KIF1C: variants seen among roughly 807,000 people sequenced by gnomAD.
KIF1C encodes the protein kinesin family member 1C.
KIF1C carries 61 observed loss-of-function variants against 126.5 expected under a neutral mutation model. That is an observed-to-expected ratio of 0.48 (90% confidence interval 0.39 to 0.60). The LOEUF (loss-of-function observed/expected upper bound fraction) is 0.60, where lower values mean the gene tolerates loss of function less well. Among genes scored for constraint, KIF1C ranks in the 20% least tolerant of loss-of-function variants. The probability of loss-of-function intolerance (pLI) is 0.00; values close to 1 mark genes in which losing one functional copy is unlikely to be tolerated. For synonymous variants in KIF1C, 640 were observed against 580.6 expected (o/e 1.10, Z -1.47); for missense variants, 1,315 against 1,489.2 (o/e 0.88, Z 1.93).
rs1974746511 is a variant in KIF1C, at chr17:5,006,897, C to T, written c.1166-18C>T. 1 of 1,610,886 alleles carries T rather than the reference C, an allele frequency of 6.2e-7. No homozygotes were observed. The highest frequency in any genetic ancestry group is 8.5e-7 in the Non-Finnish European group (1 of 1,179,178). ...TTCTTTCCTTAGCCTCATTCTTTTT[C>T]CTCTTTCTCCCTCCCAGGCCTGAAG... is the stretch of plus-strand genomic sequence containing the variant. On this transcript the variant is annotated intron_variant, in intron 13 of 22. Coordinates refer to ENST00000320785, the MANE Select transcript of KIF1C (RefSeq NM_006612.6).
In KIF1C at chr17:5,007,088, G is replaced by A. The variant is rs1349198873; in HGVS notation, c.1335+4G>A. The A allele has an allele frequency of 1.3e-6, 2 of 1,583,714 alleles. No individual in the cohort carries two copies. Among genetic ancestry groups the A allele is most frequent in the African/African-American group, 2.7e-5 (2 of 72,970 alleles). ...GGAAGCCATGGAGAGGCTGCAGGTG[G>A]GAAGCTGGAGCTGGCAAGGGCTGGG... On this transcript the variant is annotated splice_donor_region_variant and intron_variant, in intron 14 of 22. Coordinates refer to ENST00000320785, the MANE Select transcript of KIF1C (RefSeq NM_006612.6).
rs1465780299 is a variant in KIF1C at position 5,028,118 on chromosome 17, T to C, written c.*3967T>C. 1 of 152,168 alleles carries C rather than the reference T, an allele frequency of 6.6e-6. No homozygotes were observed. Among genetic ancestry groups the C allele is most frequent in the Non-Finnish European group, 1.5e-5 (1 of 68,044 alleles). The allele number at this position is 152,168 out of a possible 1,614,324, so 9.4% of individuals were successfully genotyped here. On this transcript the variant is annotated 3_prime_UTR_variant, in exon 23 of 23. Transcript: ENST00000320785. Reference sequence around the variant, plus strand: ...GCTGTCCTGTGAGTGACAGCAGCTATTTCGTGGGCCTCCTCTGGAATCATG... The same window carrying C: ...GCTGTCCTGTGAGTGACAGCAGCTACTTCGTGGGCCTCCTCTGGAATCATG...
chr17:5,021,900 C>T (rs561473167), intron 21 of KIF1C, among the ~76,000 whole-genome samples, 192 bp from the exon 22 acceptor site: 11 of 152,222 alleles, frequency 7.2e-5, no homozygotes, highest in South Asian at 2.1e-4. Flanking sequence ...AGGTAGATCC[C>T]GTCACTATCT....
rs1421122926 is a variant in KIF1C, at chr17:5,026,211, G to C, written c.*2060G>C. 6.6e-6 allele frequency: 1 copy of C among 152,156 alleles called. No homozygotes were observed. Among genetic ancestry groups the C allele is most frequent in the Non-Finnish European group, 1.5e-5 (1 of 68,040 alleles). The allele number at this position is 152,156 out of a possible 1,614,324, so 9.4% of individuals were successfully genotyped here. A position where few individuals can be genotyped will look rare whatever the true frequency, so the allele number is the denominator to read the frequency against. ...ACCTGTTGACAGTGACTCAAGATCT[G>C]GAATGTAATGGATGGTTTGGCAACA... is the stretch of plus-strand genomic sequence containing the variant. On this transcript the variant is annotated 3_prime_UTR_variant, in exon 23 of 23. Transcript: ENST00000320785.
At chr17:5,005,815 C>T (rs1974715909) in intron 13 of KIF1C, among the ~76,000 whole-genome samples, 1 of 151,410 alleles carries the variant, frequency 6.6e-6, no homozygotes, top group South Asian at 2.1e-4. Flanking sequence ...CAACCTCCGC[C>T]TTCTGGGTTC....
Position 5,001,311 on chromosome 17 carries a change from G to T in KIF1C, c.273G>T (p.Val91=). 1 of 1,614,192 alleles carries T rather than the reference G, an allele frequency of 6.2e-7. No individual in the cohort carries two copies. The highest frequency in any genetic ancestry group is 8.5e-7 in the Non-Finnish European group (1 of 1,180,008). ...TCCACGCCTTTGAAGGCTACAACGT[G>T]TGCATCTTTGCCTATGGGCAGACCG... The part of the protein sequence containing the change: ...MLLHAFEGYN[V]CIFAYGQTGA... Residue 91 remains valine, a synonymous_variant, in exon 5 of 23, where the codon GTG becomes GTT. Transcript: ENST00000320785.
chr17:5,018,062 C>T (rs1975014582), intron 18 of KIF1C, among the ~76,000 whole-genome samples: 1 of 152,060 alleles, frequency 6.6e-6, no homozygotes, highest in Non-Finnish European at 1.5e-5. Flanking sequence ...TTCACTGTAG[C>T]CTCAACCTCC....
At chr17:5,000,918 T>C in intron 4 of KIF1C, 70 bp downstream of exon 4, 1 of 1,455,058 alleles carries the variant, frequency 6.9e-7, no homozygotes, top group Non-Finnish European at 9.6e-7. Context: ...GGAGGGGACA[T>C]GTTAAGAAAT....
intron 18 of KIF1C, among the ~76,000 whole-genome samples, chr17:5,018,975 G>A (rs943872329): frequency 2.6e-5 from 4 of 152,022 alleles, no homozygotes; most frequent in African/African-American, 4.8e-5. Context: ...CTAGGCACCC[G>A]CATCCCGTCC....
chr17:5,019,312 G>A (rs1975040369), intron 18 of KIF1C: 2 of 167,790 alleles, frequency 1.2e-5, no homozygotes, highest in South Asian at 4.1e-4. Context: ...AAGTTAAATT[G>A]ACTTGTTCAG....
At chr17:5,014,506 A>C (rs1224403642) in intron 17 of KIF1C, among the ~76,000 whole-genome samples, 1 of 151,342 alleles carries the variant, frequency 6.6e-6, no homozygotes, top group African/African-American at 2.5e-5. Context: ...CTGCTGTATA[A>C]CATGGTGACT....
intron 16 of KIF1C, 31 bp downstream of exon 16, chr17:5,007,573 A>G: frequency 1.3e-6 from 2 of 1,513,588 alleles, no homozygotes; most frequent in Non-Finnish European, 1.8e-6. Context: ...GGAGGCCTAG[A>G]GAGCTCTCTG....
chr17:5,021,878 C>T (rs1184459670), intron 21 of KIF1C, among the ~76,000 whole-genome samples: 9 of 152,256 alleles, frequency 5.9e-5, no homozygotes, highest in Admixed American at 2.6e-4. Flanking sequence ...AAGTACTCCA[C>T]GTGGATCTGG....
intron 16 of KIF1C, among the ~76,000 whole-genome samples, chr17:5,008,207 C>A (rs975621100): frequency 2.0e-5 from 3 of 152,116 alleles, no homozygotes; most frequent in African/African-American, 7.2e-5. Flanking sequence ...AAGGAAGGAG[C>A]AGGGCGGGAG....
At chr17:5,014,691 G>A (rs912869228) in intron 17 of KIF1C, 52 bp from the exon 18 acceptor site, 12 of 1,326,002 alleles carry the variant, frequency 9.0e-6, no homozygotes, top group Non-Finnish European at 1.3e-5. Context: ...TTCAGGAGGG[G>A]CTTGGTTAAA....
Position 5,022,619 on chromosome 17 carries a change from G to A in KIF1C, c.2538G>A (p.Glu846=). ...ACAAGCTGACGGGGATTCTGCAGGA[G>A]GTGAAGCTGCAGAACAGCAGCAAGG... ...HIDKLTGILQ[E]VKLQNSSKDR... Residue 846 remains glutamate (E), a synonymous_variant, in exon 22 of 23, where the codon GAG becomes GAA. Coordinates refer to ENST00000320785, the MANE Select transcript of KIF1C (RefSeq NM_006612.6). The surrounding 1 kb of genome is among the most constrained non-coding windows in gnomAD (Gnocchi z 4.9). 6.2e-7 allele frequency: 1 copy of A among 1,607,420 alleles called. No homozygotes were observed. The highest frequency in any genetic ancestry group is 8.5e-7 in the Non-Finnish European group (1 of 1,176,502).
chr17:5,007,172 C>T, intron 14 of KIF1C, 88 bp downstream of exon 14: 2 of 1,564,794 alleles, frequency 1.3e-6, no homozygotes, highest in Non-Finnish European at 1.7e-6. Context: ...AGAAGGAATT[C>T]TAGGAGTAGC....
Position 5,020,368 on chromosome 17 carries a change from C to T in KIF1C, c.1751-124C>T. On this transcript the variant is annotated intron_variant, in intron 19 of 22. Transcript: ENST00000320785. The surrounding 1 kb of genome is among the most constrained non-coding windows in gnomAD (Gnocchi z 5.8). ...GGGGAGCATAGGCTCCAACTGCCTT[C>T]AGACTTGGGGTGATGAAGGGGAGGG... The T allele has an allele frequency of 9.7e-7, 1 of 1,034,616 alleles. No homozygotes were observed. Among genetic ancestry groups the T allele is most frequent in the Non-Finnish European group, 1.4e-6 (1 of 717,644 alleles). 64.1% of individuals were successfully genotyped at this position (1,034,616 alleles called of 1,614,324 possible). A position where few individuals can be genotyped will look rare whatever the true frequency, so the allele number is the denominator to read the frequency against.
chr17:5,003,515 C>G (rs1488288374), intron 8 of KIF1C, 97 bp from the exon 9 acceptor site: 2 of 819,246 alleles, frequency 2.4e-6, no homozygotes, highest in African/African-American at 3.4e-5. Flanking sequence ...CTCTCTAGCC[C>G]TTGCCAGCTG....
Sources: gnomAD v4.1 joint callset for allele counts (sites outside exome capture counted in the v4.1 genomes callset) on GRCh38, gnomAD v4.1.1 for gene constraint, Gnocchi (gnomAD v3.1) non-coding constraint, MANE v1.5 for transcripts, NCBI Gene and HGNC (gene_info 2026-07-23, HGNC 2026-07-21) for gene names.